HINT2: variants seen among roughly 807,000 people sequenced by gnomAD.
HINT2 encodes adenosine 5'-monophosphoramidase HINT2.
HINT2 carries 17 observed loss-of-function variants against 20.0 expected under a neutral mutation model. That is an observed-to-expected ratio of 0.85 (90% CI 0.58 to 1.27). The LOEUF (loss-of-function observed/expected upper bound fraction) is 1.27. HINT2 is among the 50% of genes most tolerant of loss of function. The pLI is 0.00. For synonymous variants in HINT2, 96 were observed against 84.2 expected (o/e 1.14, Z -0.77); for missense variants, 217 against 211.9 (o/e 1.02, Z -0.15).
Position 35,815,018 on chromosome 9 carries a change from C to G in HINT2, c.-39G>C, listed in dbSNP as rs1179754901. The G allele has an allele frequency of 1.4e-5, 20 of 1,382,566 alleles. No homozygotes were observed. The highest frequency in any genetic ancestry group is 1.9e-5 in the Non-Finnish European group (20 of 1,074,042). The allele number at this position is 1,382,566 out of a possible 1,614,324, so 85.6% of individuals were successfully genotyped here. The stretch of plus-strand genomic sequence containing the variant: ...CGGGAACCTCTCACCCGGGTCAGCA[C>G]TCGGCTCCGCGGCCGGCCGTGGGTG... On this transcript the variant is annotated 5_prime_UTR_variant, in exon 1 of 5. Coordinates refer to ENST00000259667, the MANE Select transcript of HINT2 (RefSeq NM_032593.3).
chr9:35,814,645 A>T, intron 1 of HINT2: 1 of 455,294 alleles, frequency 2.2e-6, no homozygotes, highest in Non-Finnish European at 3.9e-6. Flanking sequence ...CAGGCAGTGG[A>T]AAGAAGGCGG....
At chr9:35,814,149 G>A (rs1407124119) in intron 1 of HINT2, 2 of 195,966 alleles carry the variant, frequency 1.0e-5, no homozygotes, top group Admixed American at 5.4e-5. Context: ...TAAAATAAAG[G>A]GATGGTTTCC....
At chr9:35,815,104 G>A (rs1250000857), upstream of HINT2, 2 of 890,252 alleles carry the variant, frequency 2.2e-6, no homozygotes, top group Non-Finnish European at 3.1e-6. Flanking sequence ...TACCCCATTG[G>A]AGCGCGCCTC....
rs1410693278 is a variant in HINT2 at position 35,814,928 on chromosome 9, C to T, written c.52G>A (p.Val18Met). 2.7e-6 allele frequency: 4 copies of T among 1,486,370 alleles called. No homozygotes were observed. Among genetic ancestry groups the T allele is most frequent in the Non-Finnish European group, 3.6e-6 (4 of 1,125,886 alleles). 92.1% of individuals were successfully genotyped at this position (1,486,370 alleles called of 1,614,324 possible). The part of the protein sequence containing the change: ...AAGLRAARRA[V>M]AATGVRGGQV... ...CCCCCGCGCACCCCCGTGGCCGCCA[C>T]GGCTCTGCGCGCCGCGCGCAACCCA... Residue 18 changes from valine to methionine, a missense_variant, in exon 1 of 5, where the codon GTG becomes ATG. Transcript: ENST00000259667.
intron 1 of HINT2, chr9:35,814,407 C>G (rs1038321910): frequency 6.4e-6 from 1 of 155,524 alleles, no homozygotes; most frequent in Non-Finnish European, 1.4e-5. Context: ...GCTCCCCTAG[C>G]CCCAGGGAAC....
In HINT2 at chr9:35,813,566, G is replaced by A. The variant is rs765923103; in HGVS notation, c.223-17C>T. On this transcript the variant is annotated splice_polypyrimidine_tract_variant and intron_variant, in intron 2 of 4. Coordinates refer to ENST00000259667, the MANE Select transcript of HINT2 (RefSeq NM_032593.3). Reference sequence around the variant, plus strand: ...CACAAGACACTGGGGGAAGTGACAGGCCAGAGGCCACGTTACTTCAACAGG... The same window carrying A: ...CACAAGACACTGGGGGAAGTGACAGACCAGAGGCCACGTTACTTCAACAGG... The A allele has an allele frequency of 4.3e-6, 7 of 1,614,118 alleles. No individual in the cohort carries two copies. The highest frequency in any genetic ancestry group is 5.9e-6 in the Non-Finnish European group (7 of 1,179,950).
At chr9:35,813,868 C>G in intron 1 of HINT2, 84 bp from the exon 2 acceptor site, 2 of 1,446,282 alleles carry the variant, frequency 1.4e-6, no homozygotes, top group Non-Finnish European at 1.9e-6. Flanking sequence ...TTCTAATAAC[C>G]TATTCATCGT....
At chr9:35,814,004 T>C in intron 1 of HINT2, 2 of 568,712 alleles carry the variant, frequency 3.5e-6, no homozygotes, top group South Asian at 4.3e-5. Context: ...AATTGATTCC[T>C]GCTCATGTGT....
rs762859975 is a variant in HINT2, at chr9:35,814,996, G to A, written c.-17C>T. 178 of 1,450,770 alleles carry A rather than the reference G, an allele frequency of 1.2e-4. No individual in the cohort carries two copies. Among genetic ancestry groups the A allele is most frequent in the Non-Finnish European group, 1.6e-4 (172 of 1,108,418 alleles). 89.9% of individuals were successfully genotyped at this position (1,450,770 alleles called of 1,614,324 possible). A position where few individuals can be genotyped will look rare whatever the true frequency, so the allele number is the denominator to read the frequency against. On this transcript the variant is annotated 5_prime_UTR_variant, in exon 1 of 5. Transcript: ENST00000259667. ...TGCCGCCATCTTCCCTGAGCCGCGGGAACCTCTCACCCGGGTCAGCACTCG... is the reference window on the plus strand; with the variant it reads ...TGCCGCCATCTTCCCTGAGCCGCGGAAACCTCTCACCCGGGTCAGCACTCG...
rs1356882039 is a variant in HINT2, at chr9:35,813,282, T to C, written c.384A>G (p.Gly128=). Residue 128 remains glycine, a synonymous_variant, in exon 4 of 5, where the codon GGA becomes GGG. Coordinates refer to ENST00000259667, the MANE Select transcript of HINT2 (RefSeq NM_032593.3). ...GTCACTCACCAAGTCGGTATCCATC[T>C]CCCAGGCCCTCAGCCTTTGCTGTCT... ...AKQTAKAEGL[G]DGYRLVINDG... is the part of the protein sequence containing the mutation. 2 of 1,614,068 alleles carry C rather than the reference T, an allele frequency of 1.2e-6. No homozygotes were observed. Among genetic ancestry groups the C allele is most frequent in the African/African-American group, 2.7e-5 (2 of 74,942 alleles).
Position 35,813,164 on chromosome 9 carries a change from T to A in HINT2, c.401-19A>T. On this transcript the variant is annotated intron_variant, in intron 4 of 4. Transcript: ENST00000259667. ...TTGATCACTGAAATTGAGCTTGGGGTTAGGGAGTCAGGATCATGGCAGAGG... is the reference window on the plus strand; with the variant it reads ...TTGATCACTGAAATTGAGCTTGGGGATAGGGAGTCAGGATCATGGCAGAGG... The A allele has an allele frequency of 6.2e-7, 1 of 1,613,656 alleles. No homozygotes were observed. Among genetic ancestry groups the A allele is most frequent in the Non-Finnish European group, 8.5e-7 (1 of 1,179,622 alleles).
chr9:35,813,056 A>G lies in HINT2; in HGVS notation c.490T>C (p.Ter164ArgextTer23). 6.2e-7 allele frequency: 1 copy of G among 1,613,774 alleles called. No homozygotes were observed. Among genetic ancestry groups the G allele is most frequent in the Non-Finnish European group, 8.5e-7 (1 of 1,179,636 alleles). The change falls in exon 5 of 5, where the codon TGA becomes CGA. Residue 164 changes from the stop codon to arginine, a stop_lost. Coordinates refer to ENST00000259667, the MANE Select transcript of HINT2 (RefSeq NM_032593.3). Reference sequence around the variant, plus strand: ...TGTCCTTTAATCAGTTGGCAGGTTCAACCTGGAGGCCACTGGAGCTGCCGG... The same window carrying G: ...TGTCCTTTAATCAGTTGGCAGGTTCGACCTGGAGGCCACTGGAGCTGCCGG... ...GGRQLQWPPG[*>R]
upstream of HINT2, chr9:35,815,468 C>T (rs3808865): frequency 0.75 from 114,608 of 152,646 alleles, 46,228 homozygotes; most frequent in Middle Eastern, 0.91. Context: ...CGGGGCTCCG[C>T]CACCTGCTGC....
upstream of HINT2, chr9:35,815,058 G>T (rs761886127): frequency 3.2e-6 from 4 of 1,267,344 alleles, no homozygotes; most frequent in Non-Finnish European, 4.1e-6. Flanking sequence ...CTCCGGGCGC[G>T]GGGAAGCGGG....
Position 35,813,538 on chromosome 9 carries a change from G to A in HINT2, c.234C>T (p.Phe78=). 2.5e-6 allele frequency: 4 copies of A among 1,614,158 alleles called. No individual in the cohort carries two copies. Among genetic ancestry groups the A allele is most frequent in the Non-Finnish European group, 3.4e-6 (4 of 1,180,024 alleles). Reference sequence around the variant, plus strand: ...CAGGAGCCTGAGGGGCCACATCACGGAACACAAGACACTGGGGGAAGTGAC... The same window carrying A: ...CAGGAGCCTGAGGGGCCACATCACGAAACACAAGACACTGGGGGAAGTGAC... ...ILYEDQQCLV[F]RDVAPQAPVH... is the part of the protein sequence containing the mutation. The change falls in exon 3 of 5, where the codon TTC becomes TTT. Residue 78 remains phenylalanine, a synonymous_variant. Coordinates refer to ENST00000259667, the MANE Select transcript of HINT2 (RefSeq NM_032593.3).
At chr9:35,815,071 A>G, upstream of HINT2, 1 of 1,199,490 alleles carries the variant, frequency 8.3e-7, no homozygotes, top group Non-Finnish European at 1.1e-6. Flanking sequence ...GAAGCGGGGT[A>G]GTGGCGGCCG....
chr9:35,814,541 C>T (rs1828964500), intron 1 of HINT2: 1 of 245,536 alleles, frequency 4.1e-6, no homozygotes, highest in Non-Finnish European at 7.9e-6. Flanking sequence ...AACACTAGTG[C>T]TCATTAGGAG....
rs1481460478 is a variant in HINT2 at position 35,814,999 on chromosome 9, C to A, written c.-20G>T. On this transcript the variant is annotated 5_prime_UTR_variant, in exon 1 of 5. Coordinates refer to ENST00000259667, the MANE Select transcript of HINT2 (RefSeq NM_032593.3). ...CGCCATCTTCCCTGAGCCGCGGGAA[C>A]CTCTCACCCGGGTCAGCACTCGGCT... The A allele has an allele frequency of 5.6e-6, 8 of 1,440,864 alleles. No individual in the cohort carries two copies. The African/African-American group carries it at 8.9e-5, about 16-fold the overall frequency. The allele number at this position is 1,440,864 out of a possible 1,614,324, so 89.3% of individuals were successfully genotyped here. A position where few individuals can be genotyped will look rare whatever the true frequency, so the allele number is the denominator to read the frequency against.
chr9:35,814,712 A>C, intron 1 of HINT2, 187 bp downstream of exon 1: 2 of 541,784 alleles, frequency 3.7e-6, no homozygotes, highest in Non-Finnish European at 6.2e-6. Context: ...CAGGGCGGGA[A>C]TCAGCACCAG....
Sources: gnomAD v4.1 joint callset for allele counts on GRCh38, gnomAD v4.1.1 for gene constraint, MANE v1.5 for transcripts, NCBI Gene and HGNC (gene_info 2026-07-23, HGNC 2026-07-21) for gene names.